The following HNRNPA0 variants were observed in gnomAD, a reference collection of about 807,000 sequenced individuals.
The protein encoded by HNRNPA0 is hnRNA binding protein.
For missense variants in HNRNPA0, 252 were observed against 433.7 expected (o/e 0.58, Z 3.72); for synonymous variants, 243 against 195.5 (o/e 1.24, Z -2.03).
rs1753448026 is a variant in HNRNPA0, at chr5:137,748,705, T to G, written c.*4444A>C. 6.6e-6 allele frequency: 1 copy of G among 152,168 alleles called. No homozygotes were observed. The highest frequency in any genetic ancestry group is 1.5e-5 in the Non-Finnish European group (1 of 68,012). The allele number at this position is 152,168 out of a possible 1,614,324, so 9.4% of individuals were successfully genotyped here. A position where few individuals can be genotyped will look rare whatever the true frequency, so the allele number is the denominator to read the frequency against. ...AAGTGACTGTGTCAGGAACAGAATT[T>G]GGTCTATTGGATGCCCAAATTTACG... On this transcript the variant is annotated 3_prime_UTR_variant, in exon 1 of 1. Transcript: ENST00000314940.
chr5:137,751,181 T>C lies in HNRNPA0; in HGVS notation c.*1968A>G, dbSNP rs1753490983. On this transcript the variant is annotated 3_prime_UTR_variant, in exon 1 of 1. Transcript: ENST00000314940. Reference sequence around the variant, plus strand: ...TCAATGTGTAAAAACATCCACCCCGTTTGTCATAGAGGATATAACACTATT... The same window carrying C: ...TCAATGTGTAAAAACATCCACCCCGCTTGTCATAGAGGATATAACACTATT... 6.6e-6 allele frequency: 1 copy of C among 152,004 alleles called. No homozygotes were observed. Among genetic ancestry groups the C allele is most frequent in the Admixed American group, 6.6e-5 (1 of 15,256 alleles). The allele number at this position is 152,004 out of a possible 1,614,324, so 9.4% of individuals were successfully genotyped here.
Position 137,752,384 on chromosome 5 carries a change from C to T in HNRNPA0, c.*765G>A, listed in dbSNP as rs1753514562. 6.6e-6 allele frequency: 1 copy of T among 152,160 alleles called. No homozygotes were observed. The highest frequency in any genetic ancestry group is 2.4e-5 in the African/African-American group (1 of 41,426). The allele number at this position is 152,160 out of a possible 1,614,324, so 9.4% of individuals were successfully genotyped here. ...ATTCGCTTAGTACAAGAGATGGATG[C>T]ACAGAAACTTAAGAGTTTAAAAAGC... On this transcript the variant is annotated 3_prime_UTR_variant, in exon 1 of 1. Transcript: ENST00000314940.
chr5:137,753,470 C>T lies in HNRNPA0; in HGVS notation c.597G>A (p.Gly199=). The change falls in exon 1 of 1, where the codon GGG becomes GGA. Residue 199 remains glycine (G), a synonymous_variant. Transcript: ENST00000314940. The surrounding 1 kb of genome is among the most constrained non-coding windows in gnomAD (Gnocchi z 6.1). Reference sequence around the variant, plus strand: ...CGTTCTGGTCTCGACCACCGCCGCGCCCCCGGCCGCCTCGGCCGCCCCGGG... The same window carrying T: ...CGTTCTGGTCTCGACCACCGCCGCGTCCCCGGCCGCCTCGGCCGCCCCGGG... ...RSSRGGRGGR[G]RGGGRDQNGL... 2 of 1,569,114 alleles carry T rather than the reference C, an allele frequency of 1.3e-6. No individual in the cohort carries two copies. Among genetic ancestry groups the T allele is most frequent in the South Asian group, 1.1e-5 (1 of 87,054 alleles).
rs1472531702 is a variant in HNRNPA0 at position 137,749,969 on chromosome 5, TCACTA to T, written c.*3175_*3179del. On this transcript the variant is annotated 3_prime_UTR_variant, in exon 1 of 1. Transcript: ENST00000314940. ...AGATTTGAATATGAAACGTTCCAAA[TCACTA>T]AGTTAAAAATGGATGAATGGGTACA... The T allele has an allele frequency of 6.6e-6, 1 of 152,178 alleles. No homozygotes were observed. Among genetic ancestry groups the T allele is most frequent in the Non-Finnish European group, 1.5e-5 (1 of 68,018 alleles). The allele number at this position is 152,178 out of a possible 1,614,324, so 9.4% of individuals were successfully genotyped here.
rs557296798 is a variant in HNRNPA0, at chr5:137,753,476, G to T, written c.591C>A (p.Gly197=). The part of the protein sequence containing the change: ...GSRSSRGGRG[G]RGRGGGRDQN... ...GGTCTCGACCACCGCCGCGCCCCCG[G>T]CCGCCTCGGCCGCCCCGGGAGGATC... The change falls in exon 1 of 1, where the codon GGC becomes GGA. Residue 197 remains glycine, a synonymous_variant. Transcript: ENST00000314940. The surrounding 1 kb of genome is among the most constrained non-coding windows in gnomAD (Gnocchi z 6.1). The T allele has an allele frequency of 1.3e-6, 2 of 1,573,362 alleles. No individual in the cohort carries two copies. Among genetic ancestry groups the T allele is most frequent in the South Asian group, 1.1e-5 (1 of 87,404 alleles).
rs1435596687 is a variant in HNRNPA0 at position 137,748,633 on chromosome 5, A to C, written c.*4516T>G. ...TACCATAGCCTATTTTTTTACAAAT[A>C]AGGCAAGTGAGGCTCGGGCCAGTTT... is the stretch of plus-strand genomic sequence containing the variant. On this transcript the variant is annotated 3_prime_UTR_variant, in exon 1 of 1. Coordinates refer to ENST00000314940, the MANE Select transcript of HNRNPA0 (RefSeq NM_006805.4). 1.3e-5 allele frequency: 2 copies of C among 152,172 alleles called. No individual in the cohort carries two copies. Among genetic ancestry groups the C allele is most frequent in the Non-Finnish European group, 2.9e-5 (2 of 68,026 alleles). The allele number at this position is 152,172 out of a possible 1,614,324, so 9.4% of individuals were successfully genotyped here. A position where few individuals can be genotyped will look rare whatever the true frequency, so the allele number is the denominator to read the frequency against.
Position 137,750,248 on chromosome 5 carries a change from T to G in HNRNPA0, c.*2901A>C, listed in dbSNP as rs569773777. ...CATTTTTGTATGAGAGCTGCTCAGC[T>G]GGTAAACATAATGGAAATATTCAAA... On this transcript the variant is annotated 3_prime_UTR_variant, in exon 1 of 1. Transcript: ENST00000314940. 4.7e-4 allele frequency: 72 copies of G among 152,276 alleles called. No individual in the cohort carries two copies. The highest frequency in any genetic ancestry group is 1.7e-3 in the African/African-American group (71 of 41,570). 9.4% of individuals were successfully genotyped at this position (152,276 alleles called of 1,614,324 possible).
In HNRNPA0 at chr5:137,752,609, T is replaced by TA. The variant is rs1242236766; in HGVS notation, c.*539dup. ...GGAATGGATCCTAGAAAAAAAATGT[T>TA]AGACATGTACGGTCAAACACAATGA... On this transcript the variant is annotated 3_prime_UTR_variant, in exon 1 of 1. Transcript: ENST00000314940. The TA allele has an allele frequency of 1.3e-5, 2 of 152,850 alleles. No homozygotes were observed. Among genetic ancestry groups the TA allele is most frequent in the East Asian group, 1.9e-4 (1 of 5,206 alleles). 9.5% of individuals were successfully genotyped at this position (152,850 alleles called of 1,614,324 possible).
At position 137,752,706 on chromosome 5, in the gene HNRNPA0, G is replaced by C. The variant is rs1753522995; in HGVS notation, c.*443C>G. Reference sequence around the variant, plus strand: ...AAATTTCAGGCATGGGATCCAAGTAGATTTCATAGAAAACGCTGTAGCCAG... The same window carrying C: ...AAATTTCAGGCATGGGATCCAAGTACATTTCATAGAAAACGCTGTAGCCAG... On this transcript the variant is annotated 3_prime_UTR_variant, in exon 1 of 1. Transcript: ENST00000314940. 1 of 164,656 alleles carries C rather than the reference G, an allele frequency of 6.1e-6. No homozygotes were observed. Among genetic ancestry groups the C allele is most frequent in the Non-Finnish European group, 1.3e-5 (1 of 76,616 alleles). 10.2% of individuals were successfully genotyped at this position (164,656 alleles called of 1,614,324 possible). A position where few individuals can be genotyped will look rare whatever the true frequency, so the allele number is the denominator to read the frequency against.
chr5:137,750,000 A>G lies in HNRNPA0; in HGVS notation c.*3149T>C, dbSNP rs1753470839. On this transcript the variant is annotated 3_prime_UTR_variant, in exon 1 of 1. Coordinates refer to ENST00000314940, the MANE Select transcript of HNRNPA0 (RefSeq NM_006805.4). ...AGTTAAAAATGGATGAATGGGTACA[A>G]TCAGTATAGTCATTCTGATTTGATA... 6.6e-6 allele frequency: 1 copy of G among 152,204 alleles called. No homozygotes were observed. Among genetic ancestry groups the G allele is most frequent in the African/African-American group, 2.4e-5 (1 of 41,466 alleles). 9.4% of individuals were successfully genotyped at this position (152,204 alleles called of 1,614,324 possible). A position where few individuals can be genotyped will look rare whatever the true frequency, so the allele number is the denominator to read the frequency against.
At position 137,753,995 on chromosome 5, in the gene HNRNPA0, G is replaced by A. The variant is rs201904905; in HGVS notation, c.72C>T (p.Arg24=). The change falls in exon 1 of 1, where the codon CGC becomes CGT. Residue 24 remains arginine, a synonymous_variant. Coordinates refer to ENST00000314940, the MANE Select transcript of HNRNPA0 (RefSeq NM_006805.4). This position sits in a 1 kb window ranked among gnomAD's most constrained non-coding sequence, Gnocchi z 6.1. ...GAGTCCCAAAGGCCTCAAAGTGGCC[G>A]CGCAGGCCCGACTCACTCGTCTGCA... ...LNVQTSESGL[R]GHFEAFGTLT... is the part of the protein sequence containing the mutation. 3.1e-6 allele frequency: 5 copies of A among 1,613,984 alleles called. No homozygotes were observed. The highest frequency in any genetic ancestry group is 4.2e-6 in the Non-Finnish European group (5 of 1,180,036).
rs1228698508 is a variant in HNRNPA0, at chr5:137,749,998, C to A, written c.*3151G>T. On this transcript the variant is annotated 3_prime_UTR_variant, in exon 1 of 1. Transcript: ENST00000314940. The stretch of plus-strand genomic sequence containing the variant: ...TAAGTTAAAAATGGATGAATGGGTA[C>A]AATCAGTATAGTCATTCTGATTTGA... 1 of 152,128 alleles carries A rather than the reference C, an allele frequency of 6.6e-6. No individual in the cohort carries two copies. The highest frequency in any genetic ancestry group is 1.5e-5 in the Non-Finnish European group (1 of 68,002). 9.4% of individuals were successfully genotyped at this position (152,128 alleles called of 1,614,324 possible).
At position 137,750,212 on chromosome 5, in the gene HNRNPA0, T is replaced by A. The variant is rs1422801156; in HGVS notation, c.*2937A>T. 6.6e-6 allele frequency: 1 copy of A among 152,102 alleles called. No individual in the cohort carries two copies. The highest frequency in any genetic ancestry group is 6.5e-5 in the Admixed American group (1 of 15,278). The allele number at this position is 152,102 out of a possible 1,614,324, so 9.4% of individuals were successfully genotyped here. A position where few individuals can be genotyped will look rare whatever the true frequency, so the allele number is the denominator to read the frequency against. The stretch of plus-strand genomic sequence containing the variant: ...TCAAAGGAAATGCTCATTGAAGCAG[T>A]TTGGATTTTACATTTTTGTATGAGA... On this transcript the variant is annotated 3_prime_UTR_variant, in exon 1 of 1. Coordinates refer to ENST00000314940, the MANE Select transcript of HNRNPA0 (RefSeq NM_006805.4).
rs1414468795 is a variant in HNRNPA0 at position 137,753,367 on chromosome 5, A to AGGCATTGTAGCCGCCGCCTCCGCC, written c.676_699dup (p.Gly226_Ala233dup). The AGGCATTGTAGCCGCCGCCTCCGCC allele has an allele frequency of 6.5e-7, 1 of 1,546,862 alleles. No homozygotes were observed. Among genetic ancestry groups the AGGCATTGTAGCCGCCGCCTCCGCC allele is most frequent in the African/African-American group, 1.4e-5 (1 of 72,100 alleles). On this transcript the variant is annotated inframe_insertion, in exon 1 of 1. Transcript: ENST00000314940. The surrounding 1 kb of genome is among the most constrained non-coding windows in gnomAD (Gnocchi z 6.1). Reference sequence around the variant, plus strand: ...GACGAACCGCCGCCGCCGCCTCCGTAGGCATTGTAGCCGCCGCCTCCGCCG... The same window carrying AGGCATTGTAGCCGCCGCCTCCGCC: ...GACGAACCGCCGCCGCCGCCTCCGTAGGCATTGTAGCCGCCGCCTCCGCCGGCATTGTAGCCGCCGCCTCCGCCG...
rs187197502 is a variant in HNRNPA0 at position 137,754,198 on chromosome 5, G to A, written c.-132C>T. 3 of 1,258,490 alleles carry A rather than the reference G, an allele frequency of 2.4e-6. No homozygotes were observed. Among genetic ancestry groups the A allele is most frequent in the South Asian group, 3.2e-5 (2 of 61,672 alleles). The allele number at this position is 1,258,490 out of a possible 1,614,324, so 78.0% of individuals were successfully genotyped here. On this transcript the variant is annotated 5_prime_UTR_variant, in exon 1 of 1. Coordinates refer to ENST00000314940, the MANE Select transcript of HNRNPA0 (RefSeq NM_006805.4). ...GAGCCACCCCCGCCGCTCACCGACG[G>A]GGAAGGGAAAAAGGGAAGGGGAGGG...
Position 137,753,251 on chromosome 5 carries a change from G to A in HNRNPA0, c.816C>T (p.Gly272=), listed in dbSNP as rs770573124. The part of the protein sequence containing the change: ...QSSYGPMKSG[G]GGGGGGSSWG... ...AGCTACTGCCTCCACCGCCGCCGCC[G>A]CCGCCGCTCTTCATGGGCCCATAGG... Residue 272 remains glycine (G), a synonymous_variant, in exon 1 of 1, where the codon GGC becomes GGT. Transcript: ENST00000314940. This position sits in a 1 kb window ranked among gnomAD's most constrained non-coding sequence, Gnocchi z 6.1. 8.1e-6 allele frequency: 13 copies of A among 1,607,292 alleles called. No homozygotes were observed. Among genetic ancestry groups the A allele is most frequent in the South Asian group, 4.4e-5 (4 of 90,786 alleles).
rs1206052995 is a variant in HNRNPA0, at chr5:137,746,789, G to A, written c.*6360C>T. On this transcript the variant is annotated 3_prime_UTR_variant, in exon 1 of 1. Transcript: ENST00000314940. ...GCAGGGATTTTTGTCTTTTTCTTCT[G>A]TATTTCCAGCACAATCACCCAGCAG... is the stretch of plus-strand genomic sequence containing the variant. 1.3e-5 allele frequency: 2 copies of A among 152,010 alleles called. No homozygotes were observed. 9.4% of individuals were successfully genotyped at this position (152,010 alleles called of 1,614,324 possible).
In HNRNPA0 at chr5:137,753,857, A is replaced by T; in HGVS notation, c.210T>A (p.His70Gln). ...GCTCCACAGTGTTGCCGTCCACGGC[A>T]TGGGGCGAGGCGGCCATGGCGGCGT... ...EADAAMAASP[H>Q]AVDGNTVELK... Residue 70 changes from histidine (H) to glutamine (Q), a missense_variant, in exon 1 of 1, where the codon CAT becomes CAA. Coordinates refer to ENST00000314940, the MANE Select transcript of HNRNPA0 (RefSeq NM_006805.4). The surrounding 1 kb of genome is among the most constrained non-coding windows in gnomAD (Gnocchi z 6.1). 1 of 1,613,120 alleles carries T rather than the reference A, an allele frequency of 6.2e-7. No individual in the cohort carries two copies. The highest frequency in any genetic ancestry group is 8.5e-7 in the Non-Finnish European group (1 of 1,180,010).
chr5:137,753,544 G>T lies in HNRNPA0; in HGVS notation c.523C>A (p.Pro175Thr). 1 of 1,612,736 alleles carries T rather than the reference G, an allele frequency of 6.2e-7. No individual in the cohort carries two copies. Among genetic ancestry groups the T allele is most frequent in the South Asian group, 1.1e-5 (1 of 90,968 alleles). The change falls in exon 1 of 1, where the codon CCC becomes ACC. Residue 175 changes from proline (P) to threonine (T), a missense_variant. Coordinates refer to ENST00000314940, the MANE Select transcript of HNRNPA0 (RefSeq NM_006805.4). This position sits in a 1 kb window ranked among gnomAD's most constrained non-coding sequence, Gnocchi z 6.1. ...CCACCGGAGTAGATATCCTCCTTGG[G>T]GACTGCTTTCTTCACCTCCACGCGA... ...GHRVEVKKAV[P>T]KEDIYSGGGG...
Sources: allele counts gnomAD v4.1 joint callset, GRCh38; gene constraint gnomAD v4.1.1; non-coding constraint Gnocchi (gnomAD v3.1); transcripts MANE v1.5; gene names NCBI Gene and HGNC (gene_info 2026-07-23, HGNC 2026-07-21).